MPP1: variants seen among roughly 807,000 people sequenced by gnomAD.
MPP1 encodes the protein MAGUK p55 scaffold protein 1, also known as 55 kDa erythrocyte membrane protein.
MPP1 carries 6 observed loss-of-function variants against 38.2 expected under a neutral mutation model. The ratio of observed to expected loss-of-function variants is 0.16; its 90% CI spans 0.09 to 0.31. The LOEUF (loss-of-function observed/expected upper bound fraction) is 0.31, where lower values mean the gene tolerates loss of function less well. MPP1 is among the 10% of genes least tolerant of loss of function. The pLI is 1.00. For synonymous variants in MPP1, 153 were observed against 146.3 expected, an observed-to-expected ratio of 1.05 and a Z score of -0.33; for missense variants, 293 against 368.9, an observed-to-expected ratio of 0.79 and a Z score of 1.69.
rs5987029 is a variant in MPP1 at position 154,797,179 on chromosome X, G to A, written c.103-4894C>T. 7.9e-3 allele frequency among the ~76,000 whole-genome samples: 886 copies of A among 112,108 alleles called. 8 individuals are homozygous for A. Among genetic ancestry groups the A allele is most frequent in the African/African-American group, 0.028 (850 of 30,858 alleles). ...TTAAAGTATCAGAAGATCTGGCATCGCTCTCCAGGTGGCCCCAGCTCTCAC... is the reference window on the plus strand; with the variant it reads ...TTAAAGTATCAGAAGATCTGGCATCACTCTCCAGGTGGCCCCAGCTCTCAC... On this transcript the variant is annotated intron_variant, in intron 1 of 11. Coordinates refer to ENST00000369534, the MANE Select transcript of MPP1 (RefSeq NM_002436.4).
At chrX:154,790,857 G>C in intron 4 of MPP1, 126 bp downstream of exon 4, 1 of 538,594 alleles carries the variant, frequency 1.9e-6, no homozygotes, top group Non-Finnish European at 3.0e-6. Flanking sequence ...TTAAAGACTA[G>C]CAGTGAAAAG....
At position 154,798,768 on chromosome X, in the gene MPP1, C is replaced by G. The variant is rs1465063660; in HGVS notation, c.103-6483G>C. Among the ~76,000 whole-genome samples the G allele has an allele frequency of 2.7e-5, 3 of 111,323 alleles. No individual in the cohort carries two copies. The Admixed American group carries it at 2.9e-4, about 11-fold the overall frequency. Reference sequence around the variant, plus strand: ...TATTTTTTTGAGACAGACTTTCACTCTTATTGCCCAGGCTGGAGTGCAATG... The same window carrying G: ...TATTTTTTTGAGACAGACTTTCACTGTTATTGCCCAGGCTGGAGTGCAATG... On this transcript the variant is annotated intron_variant, in intron 1 of 11. Transcript: ENST00000369534.
Position 154,805,355 on chromosome X carries a change from C to A in MPP1, c.19G>T (p.Glu7Ter), listed in dbSNP as rs2148545504. ...TGCATGCTGCCCCCACTCTCGCCCT[C>A]GCTCGCCTTGAGGGTCATCTCGCAG... MTLKAS[E>*]GESGGSMHTA... Residue 7 changes from glutamate (E) to a stop codon, truncating the protein, a stop_gained, in exon 1 of 12, where the codon GAG (glutamate) becomes TAG (stop). Coordinates refer to ENST00000369534, the MANE Select transcript of MPP1 (RefSeq NM_002436.4). LOFTEE classifies it high-confidence loss of function. 8.3e-7 allele frequency: 1 copy of A among 1,201,930 alleles called. No individual in the cohort carries two copies. The highest frequency in any genetic ancestry group is 3.0e-5 in the East Asian group (1 of 33,526).
chrX:154,805,465 C>T lies in MPP1; in HGVS notation c.-92G>A. 1 of 917,170 alleles carries T rather than the reference C, an allele frequency of 1.1e-6. No homozygotes were observed. Among genetic ancestry groups the T allele is most frequent in the Non-Finnish European group, 1.5e-6 (1 of 660,666 alleles). 75.6% of individuals were successfully genotyped at this position (917,170 alleles called of 1,213,427 possible). ...GCGGGGCTGCGGAGAAGGCGGGAGACGCGGTGCGGCTGGGCCAGTCACCGC... is the reference window on the plus strand; with the variant it reads ...GCGGGGCTGCGGAGAAGGCGGGAGATGCGGTGCGGCTGGGCCAGTCACCGC... On this transcript the variant is annotated 5_prime_UTR_variant, in exon 1 of 12. Transcript: ENST00000369534.
intron 1 of MPP1, among the ~76,000 whole-genome samples, chrX:154,795,042 C>A (rs1338287193): frequency 9.0e-6 from 1 of 111,590 alleles, no homozygotes; most frequent in African/African-American, 3.3e-5. Context: ...TTGGAGGCAG[C>A]AGTGAGCCAT....
intron 1 of MPP1, among the ~76,000 whole-genome samples, chrX:154,799,066 G>C (rs1557268397): frequency 1.8e-5 from 2 of 111,898 alleles, no homozygotes; most frequent in East Asian, 5.6e-4. Flanking sequence ...CTTTATTACA[G>C]TGATTGCTTT....
Position 154,784,119 on chromosome X carries a change from AG to A in MPP1, c.785-12del, listed in dbSNP as rs1557266942. 3 of 1,187,441 alleles carry A rather than the reference AG, an allele frequency of 2.5e-6. No individual in the cohort carries two copies. The highest frequency in any genetic ancestry group is 3.4e-6 in the Non-Finnish European group (3 of 877,262). On this transcript the variant is annotated splice_polypyrimidine_tract_variant and intron_variant, in intron 7 of 11. Transcript: ENST00000369534. Reference sequence around the variant, plus strand: ...CCAACTGATCAAAAACTAGAGACAAAGAAAACCAAGCAGTGTTCATTTCCAG... The same window carrying A: ...CCAACTGATCAAAAACTAGAGACAAAAAAACCAAGCAGTGTTCATTTCCAG...
chrX:154,802,148 C>CA (rs1224725739), intron 1 of MPP1, among the ~76,000 whole-genome samples: 1 of 112,407 alleles, frequency 8.9e-6, no homozygotes, highest in Non-Finnish European at 1.9e-5. Flanking sequence ...GCCCAGGTAC[C>CA]ACCTGCCAGT....
At chrX:154,784,941 T>C (rs782258816) in intron 7 of MPP1, 110 bp downstream of exon 7, 8 of 638,042 alleles carry the variant, frequency 1.3e-5, no homozygotes, top group Non-Finnish European at 2.1e-5. Context: ...TTCTGTAGAA[T>C]GCGCCTTCTG....
rs782450912 is a variant in MPP1 at position 154,797,792 on chromosome X, TTGTTCTG to T, written c.103-5514_103-5508del. 3.5e-3 allele frequency among the ~76,000 whole-genome samples: 393 copies of T among 112,384 alleles called. No homozygotes were observed. In the Middle Eastern group the frequency reaches 0.074, roughly 21 times the overall value. On this transcript the variant is annotated intron_variant, in intron 1 of 11. Transcript: ENST00000369534. ...TGGACCTCATCAAAATGAAAAACTC[TTGTTCTG>T]TGAAAGCCCACATGAAGATTGTGAA...
intron 1 of MPP1, among the ~76,000 whole-genome samples, chrX:154,801,020 C>G (rs1480091847): frequency 3.6e-5 from 4 of 112,594 alleles, no homozygotes; most frequent in Admixed American, 9.3e-5. Flanking sequence ...TTCCCCTACC[C>G]CAGCCAATTT....
intron 1 of MPP1, among the ~76,000 whole-genome samples, chrX:154,797,810 C>A (rs1003396534): frequency 2.7e-5 from 3 of 111,971 alleles, no homozygotes; most frequent in Non-Finnish European, 3.8e-5. Flanking sequence ...TGAAAGCCCA[C>A]ATGAAGATTG....
chrX:154,792,181 C>T lies in MPP1; in HGVS notation c.207G>A (p.Val69=). ...AQVKGQEVRK[V]RLIQFEKVTE... is the part of the protein sequence containing the mutation. ...TGACCTTCTCAAACTGTATGAGTCG[C>T]ACTTTCCGCACCTCCTGTCCCTTGA... Residue 69 remains valine, a synonymous_variant, in exon 2 of 12, where the codon GTG becomes GTA. Coordinates refer to ENST00000369534, the MANE Select transcript of MPP1 (RefSeq NM_002436.4). 8.3e-7 allele frequency: 1 copy of T among 1,211,855 alleles called. No homozygotes were observed. Among genetic ancestry groups the T allele is most frequent in the Non-Finnish European group, 1.1e-6 (1 of 895,556 alleles).
intron 1 of MPP1, among the ~76,000 whole-genome samples, chrX:154,794,913 C>A (rs2072178516): frequency 9.0e-6 from 1 of 111,649 alleles, no homozygotes; most frequent in Non-Finnish European, 1.9e-5. Flanking sequence ...CCAGCCTGGG[C>A]AACATGGTGA....
chrX:154,795,580 C>T (rs190368082), intron 1 of MPP1, among the ~76,000 whole-genome samples: 2 of 110,862 alleles, frequency 1.8e-5, no homozygotes, highest in Admixed American at 1.9e-4. Flanking sequence ...GCCTAGGCAA[C>T]ATAGTAAAAC....
intron 7 of MPP1, 53 bp from the exon 8 acceptor site, chrX:154,784,161 T>C: frequency 1.0e-6 from 1 of 984,939 alleles, no homozygotes; most frequent in Non-Finnish European, 1.4e-6. Context: ...GGGAGAACAG[T>C]GGTCCACACT....
At chrX:154,787,101 AAC>A (rs59779466) in intron 5 of MPP1, among the ~76,000 whole-genome samples, 13,896 of 82,597 alleles carry the variant, frequency 0.17, 983 homozygotes, top group South Asian at 0.32. Context: ...CCTGCTCCCA[AAC>A]ACACACACAC....
In MPP1 at chrX:154,791,074, A is replaced by G. The variant is rs376953596; in HGVS notation, c.326-6T>C. The G allele has an allele frequency of 1.3e-5, 16 of 1,201,019 alleles. No homozygotes were observed. Among genetic ancestry groups the G allele is most frequent in the African/African-American group, 3.5e-5 (2 of 57,090 alleles). On this transcript the variant is annotated splice_polypyrimidine_tract_variant and splice_region_variant and intron_variant, in intron 3 of 11. Coordinates refer to ENST00000369534, the MANE Select transcript of MPP1 (RefSeq NM_002436.4). The stretch of plus-strand genomic sequence containing the variant: ...ATCCCCCACGTGAAGGGAGCCTGCC[A>G]TGAAATGAAAAATCAATCCACAAAA...
chrX:154,785,330 C>T (rs1327054916), intron 6 of MPP1, among the ~76,000 whole-genome samples, 173 bp from the exon 7 acceptor site: 1 of 109,143 alleles, frequency 9.2e-6, no homozygotes, highest in African/African-American at 3.4e-5. Context: ...CTGTGCCCTG[C>T]CCTCAGTCAG....
Sources: gnomAD v4.1 joint callset for allele counts (sites outside exome capture counted in the v4.1 genomes callset) on GRCh38, gnomAD v4.1.1 for gene constraint, MANE v1.5 for transcripts, NCBI Gene and HGNC (gene_info 2026-07-23, HGNC 2026-07-21) for gene names.